Variants in SLC22A23 observed in about 807,000 individuals in gnomAD.
The protein encoded by SLC22A23 is solute carrier family 22 member 23.
Under a neutral mutation model 61.0 loss-of-function variants are expected in SLC22A23, and 26 were observed. The ratio of observed to expected loss-of-function variants is 0.43; its 90% CI spans 0.31 to 0.59. The LOEUF is 0.59. Ranked by LOEUF, SLC22A23 falls within the 20% of genes least tolerant of loss-of-function variation. SLC22A23 has a pLI of 0.11. For missense variants in SLC22A23, 796 were observed against 934.7 expected (o/e 0.85, Z 1.94); for synonymous variants, 430 against 413.9 (o/e 1.04, Z -0.47).
rs1442566321 is a variant in SLC22A23 at position 3,342,137 on chromosome 6, C to CTA, written c.914-18137_914-18136dup. On this transcript the variant is annotated intron_variant, in intron 3 of 9. Transcript: ENST00000406686. This position sits in a 1 kb window ranked among gnomAD's most constrained non-coding sequence, Gnocchi z 4.0. The stretch of plus-strand genomic sequence containing the variant: ...AGCATTTTGTTCCTCTAGGTACATA[C>CTA]TATGGGTTTAAATTTTAGGTGTGTC... Among the ~76,000 whole-genome samples the CTA allele has an allele frequency of 6.6e-6, 1 of 152,108 alleles. No individual in the cohort carries two copies. The highest frequency in any genetic ancestry group is 1.5e-5 in the Non-Finnish European group (1 of 68,032).
chr6:3,437,843 G>GTTCAAATGA (rs1355712036), intron 1 of SLC22A23, among the ~76,000 whole-genome samples: 4 of 148,986 alleles, frequency 2.7e-5, no homozygotes, highest in Non-Finnish European at 4.4e-5. Context: ...TGCCTCCCAG[G>GTTCAAATGA]TTCAAATGAT....
In SLC22A23 at chr6:3,318,769, A is replaced by G. The variant is rs1762785472; in HGVS notation, c.1082+5065T>C. On this transcript the variant is annotated intron_variant, in intron 4 of 9. Transcript: ENST00000406686. This position sits in a 1 kb window ranked among gnomAD's most constrained non-coding sequence, Gnocchi z 4.3. The stretch of plus-strand genomic sequence containing the variant: ...GTCACCTCATCCTGTCACCCACCAC[A>G]GTAGGATAGCAGGACAGGACTTCAG... Among the ~76,000 whole-genome samples, 1 of 152,136 alleles carries G rather than the reference A, an allele frequency of 6.6e-6. No homozygotes were observed. Among genetic ancestry groups the G allele is most frequent in the African/African-American group, 2.4e-5 (1 of 41,428 alleles).
chr6:3,291,752 AGAACT>A (rs1388246212), intron 5 of SLC22A23: 5 of 152,262 alleles, frequency 3.3e-5, no homozygotes, highest in Admixed American at 3.3e-4. Flanking sequence ...TTGCTATTAT[AGAACT>A]CATCAGAAAC....
Position 3,414,576 on chromosome 6 carries a change from T to C in SLC22A23, c.758+1176A>G, listed in dbSNP as rs1447998272. ...TGGAAGAAATTTTCCACATGTGTAA[T>C]GTGACCCTCTGCTGCTGTCCGCCCA... On this transcript the variant is annotated intron_variant, in intron 2 of 9. Transcript: ENST00000406686. The surrounding 1 kb of genome is among the most constrained non-coding windows in gnomAD (Gnocchi z 5.1). 3.3e-5 allele frequency among the ~76,000 whole-genome samples: 5 copies of C among 152,162 alleles called. No homozygotes were observed. Among genetic ancestry groups the C allele is most frequent in the Middle Eastern group, 3.2e-3 (1 of 316 alleles).
intron 3 of SLC22A23, among the ~76,000 whole-genome samples, chr6:3,341,789 G>A (rs1402739322): frequency 6.6e-6 from 1 of 151,782 alleles, no homozygotes; most frequent in African/African-American, 2.4e-5. Flanking sequence ...GGGTGGGGGC[G>A]GGGGAGCGCA....
rs1324544363 is a variant in SLC22A23 at position 3,317,891 on chromosome 6, C to A, written c.1082+5943G>T. Among the ~76,000 whole-genome samples the A allele has an allele frequency of 1.3e-5, 2 of 152,184 alleles. No individual in the cohort carries two copies. Among genetic ancestry groups the A allele is most frequent in the African/African-American group, 4.8e-5 (2 of 41,438 alleles). The stretch of plus-strand genomic sequence containing the variant: ...AGCTCTTCCTTCACCTAAAGCCCAG[C>A]CGATCCTGCCATGGCCCAGAAGGCT... On this transcript the variant is annotated intron_variant, in intron 4 of 9. Transcript: ENST00000406686. The surrounding 1 kb of genome is among the most constrained non-coding windows in gnomAD (Gnocchi z 4.4).
In SLC22A23 at chr6:3,387,589, A is replaced by G. The variant is rs1160754831; in HGVS notation, c.913+22599T>C. 1.3e-5 allele frequency among the ~76,000 whole-genome samples: 2 copies of G among 152,228 alleles called. No individual in the cohort carries two copies. Among genetic ancestry groups the G allele is most frequent in the Admixed American group, 6.5e-5 (1 of 15,288 alleles). On this transcript the variant is annotated intron_variant, in intron 3 of 9. Transcript: ENST00000406686. This position sits in a 1 kb window ranked among gnomAD's most constrained non-coding sequence, Gnocchi z 5.0. ...AGTCCCACGACAACGTCCGTTTCTC[A>G]GCTCTGGGGACCGTAGCGTGGTTAT...
At chr6:3,305,022 C>T (rs569513838) in intron 4 of SLC22A23, among the ~76,000 whole-genome samples, 1 of 152,190 alleles carries the variant, frequency 6.6e-6, no homozygotes, top group African/African-American at 2.4e-5. Context: ...AGACAAGGGA[C>T]AGGCTCCCCT....
At chr6:3,434,245 G>A (rs780262418) in intron 1 of SLC22A23, among the ~76,000 whole-genome samples, 5 of 152,048 alleles carry the variant, frequency 3.3e-5, no homozygotes, top group Admixed American at 6.6e-5. Context: ...CCCGGGATGC[G>A]GAGATTGCAG....
chr6:3,283,877 C>T lies in SLC22A23; in HGVS notation c.1678G>A (p.Ala560Thr). ...CTTATCACCGTCGGGGTGATCTCCG[C>T]ACAGAAGAACACGCTGAGGCTCCCC... Reference protein sequence around the residue: ...AVGSLSVFFCAEITPTVIRCG... With the variant: ...AVGSLSVFFCTEITPTVIRCG... Residue 560 changes from alanine to threonine, a missense_variant, in exon 9 of 10, where the codon GCG (alanine) becomes ACG (threonine). Physicochemically the swap from Ala to Thr is moderately conservative, Grantham distance 58. Coordinates refer to ENST00000406686, the MANE Select transcript of SLC22A23 (RefSeq NM_015482.2). The T allele has an allele frequency of 6.2e-7, 1 of 1,613,582 alleles. No individual in the cohort carries two copies. Among genetic ancestry groups the T allele is most frequent in the Non-Finnish European group, 8.5e-7 (1 of 1,179,676 alleles).
intron 1 of SLC22A23, 87 bp downstream of exon 1, chr6:3,455,819 T>C: frequency 4.9e-6 from 7 of 1,422,318 alleles, no homozygotes; most frequent in South Asian, 2.9e-5. Flanking sequence ...ACCACCACTT[T>C]GGGGACTTCG....
In SLC22A23 at chr6:3,298,109, T is replaced by C; in HGVS notation, c.1192A>G (p.Ile398Val). Reference protein sequence around the residue: ...QKNRMNPEGDIKGVIPELEKE... With the variant: ...QKNRMNPEGDVKGVIPELEKE... Reference sequence around the variant, plus strand: ...TGCTCACCTGGTATCACACCCTTGATGTCGCCCTCAGGGTTCATGCGATTC... The same window carrying C: ...TGCTCACCTGGTATCACACCCTTGACGTCGCCCTCAGGGTTCATGCGATTC... The change falls in exon 5 of 10, where the codon ATC becomes GTC. Residue 398 changes from isoleucine to valine, a missense_variant. Physicochemically the swap from Ile to Val is conservative, Grantham distance 29 (BLOSUM62 3). Transcript: ENST00000406686. The C allele has an allele frequency of 1.3e-6, 2 of 1,573,302 alleles. No individual in the cohort carries two copies. Among genetic ancestry groups the C allele is most frequent in the African/African-American group, 1.4e-5 (1 of 72,318 alleles).
intron 3 of SLC22A23, among the ~76,000 whole-genome samples, chr6:3,388,290 A>G (rs138187484): frequency 6.6e-6 from 1 of 151,842 alleles, no homozygotes; most frequent in African/African-American, 2.4e-5. Context: ...GAAATGCAAT[A>G]AAATGCAATA....
chr6:3,404,086 G>A (rs892021121), intron 3 of SLC22A23, among the ~76,000 whole-genome samples: 6 of 152,188 alleles, frequency 3.9e-5, no homozygotes, highest in Non-Finnish European at 5.9e-5. Flanking sequence ...AAAAAACCTA[G>A]TCCGTAAGGT....
chr6:3,288,485 A>G (rs1339932655), intron 6 of SLC22A23, among the ~76,000 whole-genome samples: 1 of 152,220 alleles, frequency 6.6e-6, no homozygotes, highest in Non-Finnish European at 1.5e-5. Context: ...TGGTTCAGTT[A>G]GCCTCCAGAG....
chr6:3,279,112 A>C (rs1219173589), intron 9 of SLC22A23, among the ~76,000 whole-genome samples: 2 of 152,222 alleles, frequency 1.3e-5, no homozygotes, highest in East Asian at 3.8e-4. Context: ...ATGTCTATGT[A>C]TATGTATATA....
chr6:3,430,681 CTA>C (rs1383571918), intron 1 of SLC22A23, among the ~76,000 whole-genome samples: 1 of 152,184 alleles, frequency 6.6e-6, no homozygotes, highest in Non-Finnish European at 1.5e-5. Flanking sequence ...ACAGAAGGTG[CTA>C]TGAGTGTGCC....
At chr6:3,412,934 T>C (rs1239567337) in intron 2 of SLC22A23, among the ~76,000 whole-genome samples, 3 of 152,164 alleles carry the variant, frequency 2.0e-5, no homozygotes, top group African/African-American at 7.2e-5. Flanking sequence ...CAAAAAGGCA[T>C]GCAGCCCTGC....
chr6:3,412,616 A>G (rs910654760), intron 2 of SLC22A23, among the ~76,000 whole-genome samples: 2 of 152,220 alleles, frequency 1.3e-5, no homozygotes, highest in African/African-American at 2.4e-5. Context: ...GGGCAGAACA[A>G]TGGTCCTCAA....
Sources: gnomAD v4.1 joint callset for allele counts (sites outside exome capture counted in the v4.1 genomes callset) on GRCh38, gnomAD v4.1.1 for gene constraint, Gnocchi (gnomAD v3.1) non-coding constraint, MANE v1.5 for transcripts, NCBI Gene and HGNC (gene_info 2026-07-23, HGNC 2026-07-21) for gene names.